Variants in ITGAX observed in about 807,000 individuals in gnomAD.
The protein encoded by ITGAX is integrin alpha-X.
Under a neutral mutation model 140.2 loss-of-function variants are expected in ITGAX, and 99 were observed. The observed-to-expected ratio is 0.71, with a 90% CI of 0.60 to 0.83. The LOEUF (loss-of-function observed/expected upper bound fraction) is 0.83, where lower values mean the gene tolerates loss of function less well. Ranked by LOEUF, ITGAX falls within the 40% of genes least tolerant of loss-of-function variation. The pLI is 0.00. For synonymous variants in ITGAX, 631 were observed against 600.4 expected, an observed-to-expected ratio of 1.05 and a Z score of -0.75; for missense variants, 1,444 against 1,482.0, an observed-to-expected ratio of 0.97 and a Z score of 0.42.
chr16:31,381,661 A>T (rs948564558), intron 29 of ITGAX, 142 bp from the exon 30 acceptor site: 11 of 649,310 alleles, frequency 1.7e-5, no homozygotes, highest in African/African-American at 1.1e-4. Flanking sequence ...AATCTAGATG[A>T]CATGATGCAT....
intron 29 of ITGAX, among the ~76,000 whole-genome samples, chr16:31,381,578 G>A (rs944480505): frequency 1.3e-5 from 2 of 152,166 alleles, no homozygotes; most frequent in Non-Finnish European, 2.9e-5. Flanking sequence ...GCAGTGAGCC[G>A]AGATCACGCC....
chr16:31,372,172 G>T (rs956335721), intron 17 of ITGAX, among the ~76,000 whole-genome samples: 2 of 150,708 alleles, frequency 1.3e-5, no homozygotes, highest in African/African-American at 4.8e-5. Context: ...GTCTGGGGGG[G>T]GGGAGGAAAA....
intron 20 of ITGAX, 108 bp from the exon 21 acceptor site, chr16:31,376,691 G>A (rs1489320601): frequency 1.9e-5 from 19 of 982,070 alleles, no homozygotes; most frequent in African/African-American, 9.6e-5. Flanking sequence ...TCACTACTTC[G>A]TGGCGTGTCT....
intron 7 of ITGAX, 98 bp downstream of exon 7, chr16:31,360,163 T>C: frequency 6.5e-7 from 1 of 1,545,508 alleles, no homozygotes; most frequent in African/African-American, 1.4e-5. Flanking sequence ...GGGACCAAAA[T>C]CCAGCCCGTG....
chr16:31,356,062 C>T (rs753529428), intron 2 of ITGAX, 64 bp downstream of exon 2: 78 of 1,168,568 alleles, frequency 6.7e-5, no homozygotes, highest in Admixed American at 4.0e-4. Flanking sequence ...GGCCCCATGC[C>T]CCCGGCCCTG....
intron 9 of ITGAX, 44 bp from the exon 10 acceptor site, chr16:31,361,792 G>T: frequency 1.9e-6 from 3 of 1,600,264 alleles, no homozygotes; most frequent in Non-Finnish European, 2.6e-6. Flanking sequence ...ACCTGGCAAA[G>T]CCCGTCTCCC....
chr16:31,360,210 G>C, intron 7 of ITGAX, 100 bp from the exon 8 acceptor site: 1 of 1,511,696 alleles, frequency 6.6e-7, no homozygotes, highest in Non-Finnish European at 8.9e-7. Flanking sequence ...GGTGGGACTG[G>C]GGCCTCCCAA....
At chr16:31,370,913 A>G (rs1210299878) in intron 14 of ITGAX, among the ~76,000 whole-genome samples, 171 bp from the exon 15 acceptor site, 2 of 152,014 alleles carry the variant, frequency 1.3e-5, no homozygotes, top group Non-Finnish European at 1.5e-5. Flanking sequence ...TTTCTTAGCA[A>G]TCATCTCCCA....
intron 23 of ITGAX, 55 bp downstream of exon 23, chr16:31,377,320 A>T: frequency 1.4e-6 from 1 of 706,008 alleles, no homozygotes; most frequent in Non-Finnish European, 1.9e-6. Context: ...CCTCAAAAAG[A>T]AAAAAAAAAA....
At chr16:31,375,747 C>A (rs141258273) in intron 20 of ITGAX, among the ~76,000 whole-genome samples, 5 of 152,208 alleles carry the variant, frequency 3.3e-5, no homozygotes, top group African/African-American at 1.2e-4. Flanking sequence ...ATATTCCCAG[C>A]GGAAGCGCAT....
intron 20 of ITGAX, 127 bp from the exon 21 acceptor site, chr16:31,376,672 G>A (rs2142525762): frequency 1.2e-6 from 1 of 802,936 alleles, no homozygotes; most frequent in Non-Finnish European, 2.0e-6. Flanking sequence ...TGGGCTCCAG[G>A]AAGCTTTATC....
At chr16:31,362,798 G>T in intron 12 of ITGAX, 45 bp downstream of exon 12, 1 of 1,611,966 alleles carries the variant, frequency 6.2e-7, no homozygotes, top group South Asian at 1.1e-5. Flanking sequence ...GGTAGGGGAG[G>T]TGGCTGGGGC....
Position 31,381,882 on chromosome 16 carries a change from C to A in ITGAX, c.3467C>A (p.Thr1156Asn), listed in dbSNP as rs1229602543. The change falls in exon 30 of 30, where the codon ACC becomes AAC. Residue 1156 changes from threonine (T) to asparagine (N), a missense_variant. Physicochemically the swap from Thr to Asn is moderately conservative, Grantham distance 65. Transcript: ENST00000268296. ...GQIAPENGTQ[T>N]PSPPSEK ...ATTGCCCCAGAAAACGGGACACAGA[C>A]CCCCAGCCCGCCCAGTGAGAAATGA... The A allele has an allele frequency of 3.4e-6, 3 of 892,076 alleles. No individual in the cohort carries two copies. Among genetic ancestry groups the A allele is most frequent in the Non-Finnish European group, 5.8e-6 (3 of 519,538 alleles). 55.3% of individuals were successfully genotyped at this position (892,076 alleles called of 1,614,324 possible).
Position 31,357,093 on chromosome 16 carries a change from C to T in ITGAX, c.310C>T (p.Gln104Ter). The change falls in exon 4 of 30, where the codon CAG (glutamine) becomes TAG (stop). Residue 104 changes from glutamine (Q) to a stop codon, truncating the protein, a stop_gained. Transcript: ENST00000268296. LOFTEE classifies it high-confidence loss of function. ...LSLASTTSPS[Q>*]LLACGPTVHH... ...CCTGGCGTCTACCACCAGCCCTTCC[C>T]AGCTGCTGGTGAGTGGCCCTGGGTC... The T allele has an allele frequency of 6.2e-7, 1 of 1,606,668 alleles. No individual in the cohort carries two copies. The highest frequency in any genetic ancestry group is 2.2e-5 in the East Asian group (1 of 44,860).
intron 14 of ITGAX, chr16:31,369,834 G>GCCT (rs2080937027): frequency 6.6e-6 from 1 of 151,136 alleles, no homozygotes; most frequent in Non-Finnish European, 1.5e-5. Flanking sequence ...CACTCAGGCT[G>GCCT]GAGTTCAGTG....
chr16:31,380,716 G>A, intron 28 of ITGAX, 92 bp downstream of exon 28: 1 of 1,523,044 alleles, frequency 6.6e-7, no homozygotes, highest in Admixed American at 1.7e-5. Flanking sequence ...CAAGCCTTGG[G>A]GGAGGAGGGC....
At position 31,376,892 on chromosome 16, in the gene ITGAX, C is replaced by T; in HGVS notation, c.2602C>T (p.Leu868Phe). The change falls in exon 21 of 30, where the codon CTC becomes TTC. Residue 868 changes from leucine to phenylalanine, a missense_variant. Coordinates refer to ENST00000268296, the MANE Select transcript of ITGAX (RefSeq NM_000887.5). ...TWSTSCRINH[L>F]IFRGGAQITF... ...GAGCACCAGCTGCAGAATCAACCAC[C>T]TCATCTTCCGTGGCGGCGCCCAGGT... The T allele has an allele frequency of 1.9e-6, 3 of 1,614,252 alleles. No individual in the cohort carries two copies. The highest frequency in any genetic ancestry group is 1.1e-5 in the South Asian group (1 of 91,088).
At chr16:31,356,980 C>T (rs1380613192) in intron 3 of ITGAX, 51 bp from the exon 4 acceptor site, 4 of 1,499,802 alleles carry the variant, frequency 2.7e-6, no homozygotes, top group Non-Finnish European at 3.6e-6. Context: ...AGCTCTTCCA[C>T]AGCCTTCTCT....
rs140533202 is a variant in ITGAX at position 31,363,042 on chromosome 16, G to A, written c.1467G>A (p.Gly489=). Residue 489 remains glycine, a synonymous_variant, in exon 13 of 30, where the codon GGG becomes GGA. Coordinates refer to ENST00000268296, the MANE Select transcript of ITGAX (RefSeq NM_000887.5). ...GAPHYYEQTR[G]GQVSVCPLPR... is the part of the protein sequence containing the mutation. ...CCCATTACTACGAGCAGACCCGAGG[G>A]GGCCAGGTGTCTGTGTGTCCCTTGC... is the stretch of plus-strand genomic sequence containing the variant. The A allele has an allele frequency of 4.3e-6, 7 of 1,611,896 alleles. No homozygotes were observed. Among genetic ancestry groups the A allele is most frequent in the Admixed American group, 3.3e-5 (2 of 59,900 alleles).
Sources: allele counts gnomAD v4.1 joint callset (sites outside exome capture counted in the v4.1 genomes callset), GRCh38; gene constraint gnomAD v4.1.1; transcripts MANE v1.5; gene names NCBI Gene and HGNC (gene_info 2026-07-23, HGNC 2026-07-21).